The following CDH18 variants were observed in gnomAD, a reference collection of about 807,000 sequenced individuals.
The protein encoded by CDH18 is cadherin-18.
CDH18 carries 31 observed loss-of-function variants against 67.9 expected under a neutral mutation model. The ratio of observed to expected loss-of-function variants is 0.46; its 90% CI spans 0.34 to 0.62. The LOEUF (loss-of-function observed/expected upper bound fraction) is 0.62. Ranked by LOEUF, CDH18 falls within the 20% of genes least tolerant of loss-of-function variation. The probability of loss-of-function intolerance (pLI) is 0.01; values close to 1 mark genes in which losing one functional copy is unlikely to be tolerated. For missense variants in CDH18, 890 were observed against 975.5 expected, an observed-to-expected ratio of 0.91 and a Z score of 1.17; for synonymous variants, 362 against 347.2, an observed-to-expected ratio of 1.04 and a Z score of -0.48.
At chr5:19,913,537 G>T (rs1911847) in intron 2 of CDH18, among the ~76,000 whole-genome samples, 47,872 of 151,898 alleles carry the variant, frequency 0.32, 8,394 homozygotes, top group South Asian at 0.4. Context: ...TTCTATCACC[G>T]TTGCAAACCT....
At chr5:19,489,040 A>ACTC (rs1740852353) in intron 11 of CDH18, among the ~76,000 whole-genome samples, 1 of 151,772 alleles carries the variant, frequency 6.6e-6, no homozygotes, top group South Asian at 2.1e-4. Context: ...CATCTGCCAC[A>ACTC]CTCCTTCCTA....
At chr5:19,784,286 G>A (rs1240087241) in intron 3 of CDH18, among the ~76,000 whole-genome samples, 1 of 152,136 alleles carries the variant, frequency 6.6e-6, no homozygotes, top group Admixed American at 6.5e-5. Context: ...GAATCATCTA[G>A]AAAAGTTAGA....
chr5:19,931,897 C>T (rs1793737081), intron 2 of CDH18, among the ~76,000 whole-genome samples: 1 of 151,692 alleles, frequency 6.6e-6, no homozygotes, highest in Admixed American at 6.6e-5. Context: ...AATTTCCCTG[C>T]CGTTTAAGTT....
intron 5 of CDH18, among the ~76,000 whole-genome samples, chr5:19,681,598 T>C (rs952797216): frequency 6.6e-5 from 10 of 151,958 alleles, no homozygotes; most frequent in Non-Finnish European, 1.5e-4. Flanking sequence ...AATACCTTAA[T>C]AAATAACTGA....
intron 1 of CDH18, among the ~76,000 whole-genome samples, chr5:20,499,373 A>T (rs1754106169): frequency 6.6e-6 from 1 of 152,034 alleles, no homozygotes; most frequent in Non-Finnish European, 1.5e-5. Flanking sequence ...TATTATTTTT[A>T]TTTTTGTATT....
chr5:19,828,952 C>T (rs1282415869), intron 3 of CDH18, among the ~76,000 whole-genome samples: 6 of 152,116 alleles, frequency 3.9e-5, no homozygotes, highest in African/African-American at 1.2e-4. Context: ...ACAGAAGAAT[C>T]GCTTGAACCC....
intron 1 of CDH18, among the ~76,000 whole-genome samples, chr5:20,503,967 G>A (rs1754496385): frequency 6.6e-6 from 1 of 151,942 alleles, no homozygotes; most frequent in Non-Finnish European, 1.5e-5. Context: ...GAACCCGAGA[G>A]GCGGAGGTTG....
At chr5:20,559,521 C>G (rs985515727) in intron 1 of CDH18, among the ~76,000 whole-genome samples, 3 of 152,032 alleles carry the variant, frequency 2.0e-5, no homozygotes, top group African/African-American at 7.2e-5. Context: ...ACTCAATTTT[C>G]AGCAATTAAA....
chr5:20,366,467 A>C (rs757033147), intron 1 of CDH18, among the ~76,000 whole-genome samples: 2 of 152,078 alleles, frequency 1.3e-5, no homozygotes, highest in Non-Finnish European at 2.9e-5. Context: ...TTGCTTCTCA[A>C]TAATTTATTT....
intron 5 of CDH18, among the ~76,000 whole-genome samples, chr5:19,620,272 T>C (rs1750494174): frequency 6.6e-6 from 1 of 152,226 alleles, no homozygotes; most frequent in Non-Finnish European, 1.5e-5. Context: ...AAGAATTCCT[T>C]AAGGGAATTC....
At chr5:20,556,907 G>A (rs917468236) in intron 1 of CDH18, among the ~76,000 whole-genome samples, 4 of 152,050 alleles carry the variant, frequency 2.6e-5, no homozygotes, top group East Asian at 1.9e-4. Context: ...TGGGAATATC[G>A]GAAGGAGATA....
At chr5:20,038,634 A>T (rs921005957) in intron 2 of CDH18, among the ~76,000 whole-genome samples, 5 of 152,180 alleles carry the variant, frequency 3.3e-5, no homozygotes, top group African/African-American at 1.2e-4. Flanking sequence ...CCTTCAATAA[A>T]ATTCAACACC....
intron 2 of CDH18, among the ~76,000 whole-genome samples, chr5:20,002,615 A>G (rs1235292508): frequency 6.6e-6 from 1 of 152,208 alleles, no homozygotes; most frequent in Non-Finnish European, 1.5e-5. Flanking sequence ...TATATATAAC[A>G]TATTTCCAAA....
At chr5:20,255,462 A>C (rs1486497296) in exon 2 of CDH18, 1 of 152,140 alleles carries the variant, frequency 6.6e-6, no homozygotes, top group Admixed American at 6.6e-5. Flanking sequence ...TCACTTCAGG[A>C]ATGTTTGGTG....
chr5:19,761,280 C>T (rs1772309635), intron 3 of CDH18, among the ~76,000 whole-genome samples: 3 of 152,158 alleles, frequency 2.0e-5, no homozygotes, highest in African/African-American at 7.2e-5. Context: ...TAGAATCTCT[C>T]AGTTCATAAT....
At chr5:19,881,118 G>A (rs1407722098) in intron 2 of CDH18, among the ~76,000 whole-genome samples, 4 of 152,134 alleles carry the variant, frequency 2.6e-5, no homozygotes, top group African/African-American at 9.7e-5. Flanking sequence ...ATCATATTAT[G>A]AAGGGATATG....
At chr5:20,315,190 G>A (rs756270838) in intron 1 of CDH18, among the ~76,000 whole-genome samples, 5 of 152,054 alleles carry the variant, frequency 3.3e-5, no homozygotes, top group Admixed American at 1.3e-4. Flanking sequence ...CTCAAGCAAA[G>A]AATCTAGGAG....
rs1247442548 is a variant in CDH18, at chr5:20,342,422, C to A, written c.-579-86917G>T. 2.6e-5 allele frequency among the ~76,000 whole-genome samples: 4 copies of A among 152,238 alleles called. No homozygotes were observed. The East Asian group carries it at 7.7e-4, about 29-fold the overall frequency. On this transcript the variant is annotated intron_variant, in intron 1 of 14. Coordinates refer to the CDH18 transcript ENST00000507958. ...CTCCCTGAGGGAACAGTGATGGCCT[C>A]CCCTGAGGCAGCTGCCAGGCAAGTT...
At chr5:19,990,620 T>C (rs1426766341), upstream of CDH18, among the ~76,000 whole-genome samples, 2 of 152,218 alleles carry the variant, frequency 1.3e-5, no homozygotes, top group Non-Finnish European at 2.9e-5. Flanking sequence ...CTCTAGATTC[T>C]CCACAATCCC....
Sources: gnomAD v4.1 joint callset for allele counts (sites outside exome capture counted in the v4.1 genomes callset) on GRCh38, gnomAD v4.1.1 for gene constraint, MANE v1.5 for transcripts, NCBI Gene and HGNC (gene_info 2026-07-23, HGNC 2026-07-21) for gene names.